The following DYNC2H1 variants were observed in gnomAD, a reference collection of about 807,000 sequenced individuals.
The protein encoded by DYNC2H1 is dynein cytoplasmic 2 heavy chain 1.
In DYNC2H1, 410 loss-of-function variants were observed where a neutral mutation model predicts 570.0. The ratio of observed to expected loss-of-function variants is 0.72; its 90% CI spans 0.66 to 0.78. DYNC2H1 has a LOEUF of 0.78. DYNC2H1 is among the 30% of genes least tolerant of loss of function. DYNC2H1 has a pLI of 0.00. For missense variants in DYNC2H1, 4,865 were observed against 5,046.4 expected, an observed-to-expected ratio of 0.96 and a Z score of 1.09; for synonymous variants, 1,688 against 1,677.6, an observed-to-expected ratio of 1.01 and a Z score of -0.15.
At chr11:103,173,463 A>G (rs543258995) in intron 35 of DYNC2H1, among the ~76,000 whole-genome samples, 158 bp downstream of exon 35, 2 of 152,216 alleles carry the variant, frequency 1.3e-5, no homozygotes, top group East Asian at 1.9e-4. Context: ...AGGCTTTAGC[A>G]TGCACATAAA....
At chr11:103,415,043 C>G (rs1473506713) in intron 84 of DYNC2H1, among the ~76,000 whole-genome samples, 1 of 152,062 alleles carries the variant, frequency 6.6e-6, no homozygotes, top group African/African-American at 2.4e-5. Context: ...TTTGACAAAC[C>G]TGAGAAACAC....
At chr11:103,406,238 G>A (rs900263299) in intron 84 of DYNC2H1, 2 of 151,922 alleles carry the variant, frequency 1.3e-5, no homozygotes, top group African/African-American at 4.8e-5. Flanking sequence ...TATTATTGGA[G>A]AGATGGGTAA....
At chr11:103,413,291 A>AAT (rs1943156869) in intron 84 of DYNC2H1, among the ~76,000 whole-genome samples, 3 of 152,328 alleles carry the variant, frequency 2.0e-5, no homozygotes, top group Middle Eastern at 3.4e-3. Flanking sequence ...GTTCTTAGGA[A>AAT]AGTTCTACTC....
chr11:103,147,836 A>T lies in DYNC2H1; in HGVS notation c.2767A>T (p.Ile923Phe), dbSNP rs553728244. 9.3e-6 allele frequency: 15 copies of T among 1,611,502 alleles called. No homozygotes were observed. In the South Asian group the frequency reaches 1.5e-4, roughly 17 times the overall value. Reference protein sequence around the residue: ...NPVKTVIDDLIQKLFDLLVLS... With the variant: ...NPVKTVIDDLFQKLFDLLVLS... ...TGTGAAGACTGTGATTGATGATCTC[A>T]TCCAGAAGTTATTTGATCTGCTTGT... Residue 923 changes from isoleucine (I) to phenylalanine (F), a missense_variant, in exon 19 of 89, where the codon ATC becomes TTC. Around this residue, in one of 5 missense-constraint regions of DYNC2H1, gnomAD observed 1,936 missense variants for 1,962.1 expected, o/e 0.99. Coordinates refer to ENST00000375735, the MANE Select transcript of DYNC2H1 (RefSeq NM_001377.3).
rs138289806 is a variant in DYNC2H1, at chr11:103,421,270, T to C, written c.12367-14673T>C. 1.2e-4 allele frequency among the ~76,000 whole-genome samples: 18 copies of C among 152,236 alleles called. No homozygotes were observed. In the East Asian group the frequency reaches 3.1e-3, roughly 26 times the overall value. On this transcript the variant is annotated intron_variant, in intron 84 of 88. Transcript: ENST00000375735. ...ACTCCCACACAATAGTGGGAGACTT[T>C]AACCATTGACAATATTAGACCATCG... is the stretch of plus-strand genomic sequence containing the variant.
intron 82 of DYNC2H1, among the ~76,000 whole-genome samples, chr11:103,351,467 G>A (rs1940050614): frequency 6.6e-6 from 1 of 152,132 alleles, no homozygotes; most frequent in Non-Finnish European, 1.5e-5. Flanking sequence ...TTGCAGGAAC[G>A]CATCATTTAT....
intron 82 of DYNC2H1, among the ~76,000 whole-genome samples, chr11:103,328,313 TTCAA>T (rs1938602562): frequency 6.6e-6 from 1 of 152,212 alleles, no homozygotes; most frequent in Non-Finnish European, 1.5e-5. Flanking sequence ...TTCACAGTGC[TTCAA>T]TCATTTTAAC....
At chr11:103,171,493 T>C (rs1861571577) in intron 34 of DYNC2H1, among the ~76,000 whole-genome samples, 1 of 152,134 alleles carries the variant, frequency 6.6e-6, no homozygotes, top group African/African-American at 2.4e-5. Flanking sequence ...TGACCTCAGG[T>C]GATCCACCCC....
At chr11:103,463,163 TA>T (rs1260365184) in intron 87 of DYNC2H1, among the ~76,000 whole-genome samples, 1 of 152,168 alleles carries the variant, frequency 6.6e-6, no homozygotes, top group Non-Finnish European at 1.5e-5. Context: ...AAATATATAC[TA>T]ATGATTGGTA....
In DYNC2H1 at chr11:103,135,761, G is replaced by A. The variant is rs747028260; in HGVS notation, c.2387G>A (p.Arg796Gln). The change falls in exon 17 of 89, where the codon CGG (arginine) becomes CAG (glutamine). Residue 796 changes from arginine to glutamine, a missense_variant. By Grantham distance (43) the Arg-to-Gln change is conservative. Transcript: ENST00000375735. The stretch of plus-strand genomic sequence containing the variant: ...TTCAGGCCCCCTTTTGAAGAAATCC[G>A]GGCTAAATATTATAGAGAAATGAAG... ...LQFRPPFEEI[R>Q]AKYYREMKRF... 49 of 1,611,514 alleles carry A rather than the reference G, an allele frequency of 3.0e-5. 1 individual carries two copies. Among genetic ancestry groups the A allele is most frequent in the South Asian group, 3.3e-5 (3 of 90,474 alleles).
chr11:103,149,103 A>T (rs986386857), intron 20 of DYNC2H1, among the ~76,000 whole-genome samples: 2 of 152,168 alleles, frequency 1.3e-5, no homozygotes, highest in South Asian at 2.1e-4. Context: ...CTTTCGATGC[A>T]CTATTGGTGT....
chr11:103,425,345 G>A (rs183727194), intron 84 of DYNC2H1, among the ~76,000 whole-genome samples: 2 of 152,236 alleles, frequency 1.3e-5, no homozygotes, highest in South Asian at 2.1e-4. Flanking sequence ...CTAAGATCGG[G>A]TGCCAGCATG....
chr11:103,162,966 T>A (rs943693944), intron 29 of DYNC2H1, 62 bp from the exon 30 acceptor site: 5 of 1,426,570 alleles, frequency 3.5e-6, no homozygotes, highest in Non-Finnish European at 4.8e-6. Context: ...TTATGTCTTA[T>A]ATATATTATT....
intron 85 of DYNC2H1, among the ~76,000 whole-genome samples, chr11:103,441,994 T>C (rs183552514): frequency 6.6e-6 from 1 of 152,116 alleles, no homozygotes; most frequent in East Asian, 1.9e-4. Flanking sequence ...CAGCAAGTAC[T>C]CAGTAAAATT....
rs1409081936 is a variant in DYNC2H1 at position 103,177,065 on chromosome 11, T to C, written c.5875-491T>C. Among the ~76,000 whole-genome samples the C allele has an allele frequency of 6.6e-6, 1 of 152,196 alleles. No homozygotes were observed. The highest frequency in any genetic ancestry group is 2.4e-5 in the African/African-American group (1 of 41,456). On this transcript the variant is annotated intron_variant, in intron 37 of 88. Coordinates refer to ENST00000375735, the MANE Select transcript of DYNC2H1 (RefSeq NM_001377.3). The surrounding 1 kb of genome is among the most constrained non-coding windows in gnomAD (Gnocchi z 4.4). The stretch of plus-strand genomic sequence containing the variant: ...ATTGCCTGTTATAGTACCTAATGTG[T>C]AATGGATTCATCATTTTTTTATAAT...
chr11:103,315,183 G>A (rs1490477506), intron 79 of DYNC2H1, among the ~76,000 whole-genome samples: 1 of 151,896 alleles, frequency 6.6e-6, no homozygotes, highest in African/African-American at 2.4e-5. Context: ...TGCATATCTG[G>A]CAGTTGACAT....
rs760148079 is a variant in DYNC2H1 at position 103,189,827 on chromosome 11, A to G, written c.7437+11A>G. 6.3e-7 allele frequency: 1 copy of G among 1,582,890 alleles called. No individual in the cohort carries two copies. The highest frequency in any genetic ancestry group is 8.6e-7 in the Non-Finnish European group (1 of 1,168,368). Reference sequence around the variant, plus strand: ...CAAGTGTATGAACAGGTAGATATGCATCTAAATTGTAGCTTTCATGTCTAT... The same window carrying G: ...CAAGTGTATGAACAGGTAGATATGCGTCTAAATTGTAGCTTTCATGTCTAT... On this transcript the variant is annotated intron_variant, in intron 45 of 88. Coordinates refer to ENST00000375735, the MANE Select transcript of DYNC2H1 (RefSeq NM_001377.3). The surrounding 1 kb of genome is among the most constrained non-coding windows in gnomAD (Gnocchi z 4.3).
Position 103,177,214 on chromosome 11 carries a change from TAAG to T in DYNC2H1, c.5875-339_5875-337del, listed in dbSNP as rs972538494. 3.3e-5 allele frequency among the ~76,000 whole-genome samples: 5 copies of T among 152,058 alleles called. No homozygotes were observed. Among genetic ancestry groups the T allele is most frequent in the Non-Finnish European group, 7.4e-5 (5 of 68,020 alleles). On this transcript the variant is annotated intron_variant, in intron 37 of 88. Coordinates refer to ENST00000375735, the MANE Select transcript of DYNC2H1 (RefSeq NM_001377.3). The surrounding 1 kb of genome is among the most constrained non-coding windows in gnomAD (Gnocchi z 4.4). ...CCCTCAGTTTTGGAGAGAAGTAAGA[TAAG>T]AATGAATGAATGAATGAATAAGTGA...
intron 84 of DYNC2H1, among the ~76,000 whole-genome samples, chr11:103,419,248 C>A (rs1943396270): frequency 6.6e-6 from 1 of 152,150 alleles, no homozygotes. Flanking sequence ...GAGGAAGGGT[C>A]CCCCCTCAAT....
Sources: gnomAD v4.1 joint callset for allele counts (sites outside exome capture counted in the v4.1 genomes callset) on GRCh38, gnomAD v4.1.1 for gene constraint, gnomAD v4.1.1 regional missense constraint, Gnocchi (gnomAD v3.1) non-coding constraint, MANE v1.5 for transcripts, NCBI Gene and HGNC (gene_info 2026-07-23, HGNC 2026-07-21) for gene names.